The following FOXN3 variants were observed in gnomAD, a reference collection of about 807,000 sequenced individuals.
FOXN3 encodes the protein forkhead box protein N3.
A neutral mutation model predicts 38.4 loss-of-function variants in FOXN3; 7 were observed. That is an observed-to-expected ratio of 0.18 (90% confidence interval 0.10 to 0.34). The LOEUF (loss-of-function observed/expected upper bound fraction) is 0.34. Among genes scored for constraint, FOXN3 ranks in the 10% least tolerant of loss-of-function variants. The pLI is 1.00. For synonymous variants in FOXN3, 230 were observed against 242.2 expected (o/e 0.95, Z 0.47); for missense variants, 456 against 613.4 (o/e 0.74, Z 2.71).
chr14:89,272,034 G>A (rs1305122871), intron 4 of FOXN3, among the ~76,000 whole-genome samples: 8 of 152,354 alleles, frequency 5.3e-5, no homozygotes, highest in African/African-American at 1.9e-4. Flanking sequence ...TGCAGGCCAG[G>A]TGCAGTGGCT....
At chr14:89,400,667 C>T (rs1055191489) in intron 2 of FOXN3, among the ~76,000 whole-genome samples, 3 of 152,178 alleles carry the variant, frequency 2.0e-5, no homozygotes, top group Non-Finnish European at 4.4e-5. Context: ...CTTTCTAATA[C>T]ACTAACTGCG....
At chr14:89,203,605 T>C (rs1195384163) in intron 4 of FOXN3, among the ~76,000 whole-genome samples, 2 of 151,890 alleles carry the variant, frequency 1.3e-5, no homozygotes, top group East Asian at 3.9e-4. Flanking sequence ...GCGGGCAGAG[T>C]GTTTAAGGAA....
At position 89,360,029 on chromosome 14, in the gene FOXN3, A is replaced by T. The variant is rs149468741; in HGVS notation, c.544-9221T>A. Among the ~76,000 whole-genome samples, 1,107 of 152,312 alleles carry T rather than the reference A, an allele frequency of 7.3e-3. 23 individuals carry two copies. The highest frequency in any genetic ancestry group is 0.025 in the African/African-American group (1,043 of 41,570). ...TCATCAAGCTGTCATTCTGTCCAGCATATGCCACGGTCTCCCAGGATCTGG... is the reference window on the plus strand; with the variant it reads ...TCATCAAGCTGTCATTCTGTCCAGCTTATGCCACGGTCTCCCAGGATCTGG... On this transcript the variant is annotated intron_variant, in intron 2 of 5. Transcript: ENST00000557258.
chr14:89,615,028 C>T (rs1436685948), intron 1 of FOXN3, among the ~76,000 whole-genome samples: 2 of 151,886 alleles, frequency 1.3e-5, no homozygotes, highest in Non-Finnish European at 2.9e-5. Context: ...CTAATCCAGA[C>T]TTCTGCACAG....
At chr14:89,313,745 C>T (rs538884007) in intron 3 of FOXN3, among the ~76,000 whole-genome samples, 3 of 152,090 alleles carry the variant, frequency 2.0e-5, no homozygotes, top group South Asian at 2.1e-4. Flanking sequence ...CCCTCGATGG[C>T]GAATGGATAA....
At chr14:89,552,845 C>T (rs921098318) in intron 1 of FOXN3, among the ~76,000 whole-genome samples, 6 of 152,116 alleles carry the variant, frequency 3.9e-5, no homozygotes, top group Non-Finnish European at 5.9e-5. Flanking sequence ...GAGCCAAGAT[C>T]GCACCACAAC....
At chr14:89,460,578 C>T (rs1471697531) in intron 1 of FOXN3, among the ~76,000 whole-genome samples, 1 of 152,096 alleles carries the variant, frequency 6.6e-6, no homozygotes, top group Admixed American at 6.5e-5. Context: ...TAGATCTGCA[C>T]GTAGTAGGCA....
At chr14:89,528,596 A>T (rs1208063816) in intron 1 of FOXN3, among the ~76,000 whole-genome samples, 1 of 151,690 alleles carries the variant, frequency 6.6e-6, no homozygotes, top group African/African-American at 2.4e-5. Context: ...GGGTTTCTCC[A>T]TGTTGGTCAG....
chr14:89,284,319 G>A (rs200694241), intron 3 of FOXN3: 7 of 371,712 alleles, frequency 1.9e-5, no homozygotes, highest in Admixed American at 9.5e-5. Context: ...CACCTTCCCC[G>A]TTCTATAGGG....
In FOXN3 at chr14:89,578,945, C is replaced by G. The variant is rs1329070944; in HGVS notation, c.-15+40083G>C. ...TCACTGCAGCCTCAACCTGCTGGGC[C>G]TAAGTGACCCTCTCACCTCAGCCAC... On this transcript the variant is annotated intron_variant, in intron 1 of 6. Coordinates refer to the FOXN3 transcript ENST00000345097. Among the ~76,000 whole-genome samples the G allele has an allele frequency of 5.3e-5, 8 of 152,140 alleles. No homozygotes were observed. In the East Asian group the frequency reaches 1.5e-3, roughly 29 times the overall value.
At position 89,310,319 on chromosome 14, in the gene FOXN3, T is replaced by A. The variant is rs956880381; in HGVS notation, c.681-29305A>T. Among the ~76,000 whole-genome samples the A allele has an allele frequency of 4.6e-5, 7 of 152,174 alleles. No individual in the cohort carries two copies. The East Asian group carries it at 1.4e-3, about 29-fold the overall frequency. On this transcript the variant is annotated intron_variant, in intron 3 of 5. Transcript: ENST00000557258. Reference sequence around the variant, plus strand: ...ATCCTGCCTCCACGAGGCGACAGAGTGCCTAAGAACCAAGCCAACACAGAG... The same window carrying A: ...ATCCTGCCTCCACGAGGCGACAGAGAGCCTAAGAACCAAGCCAACACAGAG...
chr14:89,473,191 AT>A (rs552646021), intron 1 of FOXN3, among the ~76,000 whole-genome samples: 5 of 151,044 alleles, frequency 3.3e-5, no homozygotes, highest in African/African-American at 1.2e-4. Flanking sequence ...CGCCTGGCTA[AT>A]TTTTTGTATT....
chr14:89,447,201 A>AG (rs1892520113), intron 1 of FOXN3, among the ~76,000 whole-genome samples: 1 of 125,906 alleles, frequency 7.9e-6, no homozygotes, highest in African/African-American at 3.5e-5. Context: ...CGTCACAAAA[A>AG]GGAAAAAAAA....
chr14:89,359,831 G>A (rs946603808), intron 2 of FOXN3, among the ~76,000 whole-genome samples: 1 of 152,198 alleles, frequency 6.6e-6, no homozygotes, highest in Non-Finnish European at 1.5e-5. Flanking sequence ...GCTGGAGTGG[G>A]CAGAGGTGGA....
chr14:89,587,688 G>A (rs1198082697), intron 1 of FOXN3, among the ~76,000 whole-genome samples: 1 of 151,818 alleles, frequency 6.6e-6, no homozygotes, highest in Non-Finnish European at 1.5e-5. Context: ...GACGATATGG[G>A]GAAACCTCGT....
chr14:89,580,457 A>T (rs1895720040), intron 1 of FOXN3, among the ~76,000 whole-genome samples: 1 of 152,206 alleles, frequency 6.6e-6, no homozygotes, highest in African/African-American at 2.4e-5. Context: ...TAAGGACCAC[A>T]TAACAGTGCC....
intron 4 of FOXN3, among the ~76,000 whole-genome samples, chr14:89,241,973 A>C (rs1161327856): frequency 6.6e-6 from 1 of 152,220 alleles, no homozygotes. Context: ...ACAAGGCGTC[A>C]GGACCAGGTA....
chr14:89,201,743 T>C (rs1370127672), intron 4 of FOXN3, among the ~76,000 whole-genome samples: 1 of 152,182 alleles, frequency 6.6e-6, no homozygotes, highest in Non-Finnish European at 1.5e-5. Flanking sequence ...TCCCCAGTGA[T>C]TGGCTTTCCC....
intron 1 of FOXN3, among the ~76,000 whole-genome samples, chr14:89,520,160 T>G (rs1463206137): frequency 1.3e-5 from 2 of 150,812 alleles, no homozygotes; most frequent in Admixed American, 6.6e-5. Context: ...ACTACCGCCG[T>G]GTACCTCGAC....
Sources: gnomAD v4.1 joint callset for allele counts (sites outside exome capture counted in the v4.1 genomes callset) on GRCh38, gnomAD v4.1.1 for gene constraint, MANE v1.5 for transcripts, NCBI Gene and HGNC (gene_info 2026-07-23, HGNC 2026-07-21) for gene names.